The following MDN1 variants were observed in gnomAD, a reference collection of about 807,000 sequenced individuals.
MDN1 encodes the protein midasin.
MDN1 carries 266 observed loss-of-function variants against 669.2 expected under a neutral mutation model. The ratio of observed to expected loss-of-function variants is 0.40; its 90% confidence interval spans 0.36 to 0.44. MDN1 has a LOEUF of 0.44. Among genes scored for constraint, MDN1 ranks in the 20% least tolerant of loss-of-function variants. The probability of loss-of-function intolerance (pLI) is 1.00; values close to 1 mark genes in which losing one functional copy is unlikely to be tolerated. For missense variants in MDN1, 5,940 were observed against 6,754.0 expected (o/e 0.88, Z 4.22); for synonymous variants, 2,385 against 2,457.1 (o/e 0.97, Z 0.87).
rs367851757 is a variant in MDN1, at chr6:89,774,745, A to C, written c.1822-12T>G. 6.4e-7 allele frequency: 1 copy of C among 1,572,418 alleles called. No individual in the cohort carries two copies. Among genetic ancestry groups the C allele is most frequent in the Non-Finnish European group, 8.8e-7 (1 of 1,142,516 alleles). ...CAAAAGAATTCAGCCTGTAGGAGGT[A>C]AGATTTTACCTGAGTAAAAATCCAC... On this transcript the variant is annotated splice_polypyrimidine_tract_variant and intron_variant, in intron 12 of 101. Coordinates refer to ENST00000369393, the MANE Select transcript of MDN1 (RefSeq NM_014611.3).
chr6:89,711,834 T>C (rs1049267149), intron 49 of MDN1, among the ~76,000 whole-genome samples: 1 of 152,186 alleles, frequency 6.6e-6, no homozygotes, highest in African/African-American at 2.4e-5. Flanking sequence ...AAGGATAACA[T>C]GGAAACAAAA....
At chr6:89,706,622 CATTTCAG>C (rs1813533552) in intron 52 of MDN1, among the ~76,000 whole-genome samples, 1 of 152,024 alleles carries the variant, frequency 6.6e-6, no homozygotes, top group African/African-American at 2.4e-5. Flanking sequence ...GATTTTGGAG[CATTTCAG>C]ATTTCAAATT....
chr6:89,791,434 A>T (rs1301084764), intron 5 of MDN1, among the ~76,000 whole-genome samples: 1 of 152,206 alleles, frequency 6.6e-6, no homozygotes, highest in Admixed American at 6.5e-5. Context: ...AAATATTTTC[A>T]TATAAAATAC....
At chr6:89,726,916 C>T (rs892242558) in intron 37 of MDN1, among the ~76,000 whole-genome samples, 1 of 152,226 alleles carries the variant, frequency 6.6e-6, no homozygotes, top group Middle Eastern at 3.4e-3. Context: ...AACAGAAGGC[C>T]GCTCTTAAAT....
intron 31 of MDN1, 118 bp downstream of exon 31, chr6:89,743,032 T>C: frequency 1.6e-6 from 2 of 1,253,818 alleles, no homozygotes; most frequent in Admixed American, 2.5e-5. Context: ...CAGTGAACTA[T>C]GATCATGACA....
At chr6:89,801,519 C>G (rs1479028836) in intron 2 of MDN1, among the ~76,000 whole-genome samples, 6 of 152,088 alleles carry the variant, frequency 3.9e-5, no homozygotes, top group South Asian at 4.1e-4. Context: ...GGTGTGGTGG[C>G]ACGCACCTGT....
chr6:89,658,304 G>A lies in MDN1; in HGVS notation c.15088C>T (p.His5030Tyr). 1.2e-6 allele frequency: 2 copies of A among 1,614,142 alleles called. No homozygotes were observed. The highest frequency in any genetic ancestry group is 1.1e-5 in the South Asian group (1 of 91,080). The stretch of plus-strand genomic sequence containing the variant: ...ACACCAGTCTGCCCACAGGAGGCAT[G>A]CTCCTTCCTCTCCAAAGCCTCTGGC... ...QVPEALERKE[H>Y]ASCGQTGVEN... The change falls in exon 90 of 102, where the codon CAT (histidine) becomes TAT (tyrosine). Residue 5030 changes from histidine to tyrosine, a missense_variant. By Grantham distance (83) the His-to-Tyr change is moderately conservative. Coordinates refer to ENST00000369393, the MANE Select transcript of MDN1 (RefSeq NM_014611.3).
Position 89,683,164 on chromosome 6 carries a change from C to T in MDN1, c.12070G>A (p.Glu4024Lys). Residue 4024 changes from glutamate to lysine, a missense_variant, in exon 73 of 102, where the codon GAG (glutamate) becomes AAG (lysine). This residue lies in a region of MDN1 where 2,280 missense variants were observed against 2,576.3 expected (regional missense o/e 0.88). Coordinates refer to ENST00000369393, the MANE Select transcript of MDN1 (RefSeq NM_014611.3). ...GCTGCTGGTTGGGCTAACAGGGTCT[C>T]CCTCAGTGCCCTGTTCAGATTCTGA... Reference protein sequence around the residue: ...SIQNLNRALRETLLAQPAAGQ... With the variant: ...SIQNLNRALRKTLLAQPAAGQ... 3 of 1,614,116 alleles carry T rather than the reference C, an allele frequency of 1.9e-6. No individual in the cohort carries two copies. The highest frequency in any genetic ancestry group is 2.5e-6 in the Non-Finnish European group (3 of 1,180,024).
In MDN1 at chr6:89,695,996, T is replaced by C; in HGVS notation, c.9384-4A>G. On this transcript the variant is annotated splice_region_variant and splice_polypyrimidine_tract_variant and intron_variant, in intron 60 of 101. Transcript: ENST00000369393. The surrounding 1 kb of genome is among the most constrained non-coding windows in gnomAD (Gnocchi z 4.1). ...CTGGAGTTGGGAATCCGTGCGTCTGTGGGGACAAAAAGAAAGCACTGAAAG... is the reference window on the plus strand; with the variant it reads ...CTGGAGTTGGGAATCCGTGCGTCTGCGGGGACAAAAAGAAAGCACTGAAAG... 2 of 1,601,352 alleles carry C rather than the reference T, an allele frequency of 1.2e-6. No individual in the cohort carries two copies. The highest frequency in any genetic ancestry group is 2.2e-5 in the South Asian group (2 of 90,276).
intron 1 of MDN1, among the ~76,000 whole-genome samples, chr6:89,808,582 T>C (rs1366141435): frequency 6.6e-6 from 1 of 152,178 alleles, no homozygotes; most frequent in Non-Finnish European, 1.5e-5. Flanking sequence ...ATTCAGCCAG[T>C]ACTCACCAGA....
intron 15 of MDN1, among the ~76,000 whole-genome samples, chr6:89,764,493 T>A (rs1817704189): frequency 1.3e-5 from 2 of 152,174 alleles, no homozygotes; most frequent in South Asian, 4.1e-4. Flanking sequence ...TAGTCCCAGT[T>A]ACTTGGGAAG....
At position 89,689,947 on chromosome 6, in the gene MDN1, G is replaced by T. The variant is rs1812272970; in HGVS notation, c.10946C>A (p.Ala3649Glu). The T allele has an allele frequency of 1.2e-6, 2 of 1,614,114 alleles. No homozygotes were observed. Among genetic ancestry groups the T allele is most frequent in the African/African-American group, 1.3e-5 (1 of 74,936 alleles). Residue 3649 changes from alanine to glutamate, a missense_variant, in exon 65 of 102, where the codon GCA (alanine) becomes GAA (glutamate). Ala to Glu is a moderately radical substitution (Grantham distance 107). Around this residue, in one of 5 missense-constraint regions of MDN1, gnomAD observed 2,280 missense variants for 2,576.3 expected, o/e 0.88. Coordinates refer to ENST00000369393, the MANE Select transcript of MDN1 (RefSeq NM_014611.3). ...WYQQTLPPHE[A>E]KHYLSLFLSC... ...CAGAAACAGGCTGAGGTAATGCTTT[G>T]CTTCATGTGGCGGCAGAGTCTGTTG...
In MDN1 at chr6:89,787,962, A is replaced by G. The variant is rs372052798; in HGVS notation, c.1231-5T>C. The G allele has an allele frequency of 3.7e-6, 6 of 1,606,120 alleles. No homozygotes were observed. The African/African-American group carries it at 8.0e-5, about 21-fold the overall frequency. On this transcript the variant is annotated splice_region_variant and splice_polypyrimidine_tract_variant and intron_variant, in intron 7 of 101. Transcript: ENST00000369393. Reference sequence around the variant, plus strand: ...GAGAGGGATCAGCACAGAAACCTAAATCAGATAACAACAACCGCACTGATA... The same window carrying G: ...GAGAGGGATCAGCACAGAAACCTAAGTCAGATAACAACAACCGCACTGATA...
chr6:89,685,286 T>C (rs975507395), intron 70 of MDN1, among the ~76,000 whole-genome samples: 2 of 152,170 alleles, frequency 1.3e-5, no homozygotes, highest in African/African-American at 4.8e-5. Context: ...AAATTCCTTC[T>C]GTGAAACTTA....
chr6:89,644,244 C>G (rs749325755), intron 101 of MDN1, 51 bp from the exon 102 acceptor site: 85 of 1,445,490 alleles, frequency 5.9e-5, no homozygotes, highest in Non-Finnish European at 7.2e-5. Context: ...AAACCAGCAT[C>G]CTTAGCTAGC....
At position 89,664,579 on chromosome 6, in the gene MDN1, T is replaced by C. The variant is rs1219475109; in HGVS notation, c.14144A>G (p.Asp4715Gly). The C allele has an allele frequency of 1.2e-6, 2 of 1,613,570 alleles. No homozygotes were observed. Among genetic ancestry groups the C allele is most frequent in the African/African-American group, 2.7e-5 (2 of 74,934 alleles). ...CTCGCCCTTAATATCAGATTTTGAA[T>C]CAGGATCCTCTTTGTCTTTTTCTTG... ...KGQEKDKEDP[D>G]SKSDIKGEDN... is the part of the protein sequence containing the mutation. The change falls in exon 85 of 102, where the codon GAT (aspartate) becomes GGT (glycine). Residue 4715 changes from aspartate to glycine, a missense_variant. This residue lies in a region of MDN1 where 2,280 missense variants were observed against 2,576.3 expected (regional missense o/e 0.88). Coordinates refer to ENST00000369393, the MANE Select transcript of MDN1 (RefSeq NM_014611.3).
chr6:89,793,359 G>T (rs115270077), intron 5 of MDN1, among the ~76,000 whole-genome samples: 230 of 152,234 alleles, frequency 1.5e-3, no homozygotes, highest in African/African-American at 5.3e-3. Flanking sequence ...GAAGATATAC[G>T]GAACAGCTCC....
intron 48 of MDN1, 118 bp downstream of exon 48, chr6:89,712,452 TATGAC>T: frequency 2.8e-6 from 3 of 1,071,096 alleles, no homozygotes; most frequent in Non-Finnish European, 4.2e-6. Context: ...ACAATAAAAC[TATGAC>T]AGCTACACAA....
At position 89,779,612 on chromosome 6, in the gene MDN1, G is replaced by A. The variant is rs902807146; in HGVS notation, c.1725+600C>T. ...AACAAACATTGCTTTATTATTACCCGGGAGTTTCTTTCATTTTACCTTTAA... is the reference window on the plus strand; with the variant it reads ...AACAAACATTGCTTTATTATTACCCAGGAGTTTCTTTCATTTTACCTTTAA... On this transcript the variant is annotated intron_variant, in intron 11 of 101. Transcript: ENST00000369393. Among the ~76,000 whole-genome samples the A allele has an allele frequency of 3.9e-5, 6 of 152,136 alleles. No individual in the cohort carries two copies. The South Asian group carries it at 6.2e-4, about 16-fold the overall frequency.
Sources: gnomAD v4.1 joint callset for allele counts (sites outside exome capture counted in the v4.1 genomes callset) on GRCh38, gnomAD v4.1.1 for gene constraint, gnomAD v4.1.1 regional missense constraint, Gnocchi (gnomAD v3.1) non-coding constraint, MANE v1.5 for transcripts, NCBI Gene and HGNC (gene_info 2026-07-23, HGNC 2026-07-21) for gene names.